The following SOX5 variants were observed in gnomAD, a reference collection of about 807,000 sequenced individuals.
SOX5 encodes the protein SRY-box transcription factor 5, also known as transcription factor SOX-5.
In SOX5, 9 loss-of-function variants were observed where a neutral mutation model predicts 92.0. The ratio of observed to expected loss-of-function variants is 0.10; its 90% confidence interval spans 0.06 to 0.17. The LOEUF (loss-of-function observed/expected upper bound fraction) is 0.17, where lower values mean the gene tolerates loss of function less well. Among genes scored for constraint, SOX5 ranks in the 10% least tolerant of loss-of-function variants. SOX5 has a pLI of 1.00. For missense variants in SOX5, 642 were observed against 944.5 expected (o/e 0.68, Z 4.20); for synonymous variants, 344 against 336.3 (o/e 1.02, Z -0.25).
chr12:24,195,696 C>G (rs1408471932), intron 4 of SOX5, among the ~76,000 whole-genome samples: 1 of 152,150 alleles, frequency 6.6e-6, no homozygotes, highest in South Asian at 2.1e-4. Context: ...GGAGCTAAGT[C>G]AAATTTGAGA....
At chr12:24,096,815 A>G (rs1209100756) in intron 4 of SOX5, among the ~76,000 whole-genome samples, 1 of 152,128 alleles carries the variant, frequency 6.6e-6, no homozygotes, top group Non-Finnish European at 1.5e-5. Context: ...CTTTTTGGTT[A>G]TGATTAGTGC....
At chr12:23,901,903 T>C (rs1480032371) in intron 1 of SOX5, among the ~76,000 whole-genome samples, 1 of 152,206 alleles carries the variant, frequency 6.6e-6, no homozygotes, top group Non-Finnish European at 1.5e-5. Flanking sequence ...CTCAGTATTG[T>C]CAGAAATAAG....
intron 3 of SOX5, among the ~76,000 whole-genome samples, chr12:24,216,483 C>A (rs573869035): frequency 1.3e-5 from 2 of 150,802 alleles, no homozygotes; most frequent in East Asian, 3.9e-4. Flanking sequence ...GACTCCGCCT[C>A]GGAAAAAAAA....
intron 1 of SOX5, among the ~76,000 whole-genome samples, chr12:24,373,517 GC>G (rs1452993131): frequency 3.3e-5 from 5 of 152,118 alleles, no homozygotes; most frequent in Non-Finnish European, 7.4e-5. Context: ...CTGGGTTGAA[GC>G]TGTATTTTTA....
intron 5 of SOX5, among the ~76,000 whole-genome samples, chr12:23,735,372 T>A (rs917530522): frequency 6.6e-6 from 1 of 152,186 alleles, no homozygotes; most frequent in Non-Finnish European, 1.5e-5. Flanking sequence ...GTTGTCGTCT[T>A]TTGACCTCTC....
intron 9 of SOX5, among the ~76,000 whole-genome samples, chr12:23,595,923 T>C (rs771324189): frequency 3.3e-5 from 5 of 152,024 alleles, no homozygotes; most frequent in Non-Finnish European, 7.4e-5. Context: ...TCCATAACAA[T>C]GAAGAAAATA....
chr12:24,146,389 G>T (rs1164838756), intron 4 of SOX5, among the ~76,000 whole-genome samples: 1 of 151,964 alleles, frequency 6.6e-6, no homozygotes, highest in Non-Finnish European at 1.5e-5. Flanking sequence ...TACCCCAAGG[G>T]TCAAAGACAA....
At chr12:23,697,370 T>C (rs547999798) in intron 6 of SOX5, among the ~76,000 whole-genome samples, 5 of 152,324 alleles carry the variant, frequency 3.3e-5, no homozygotes, top group Admixed American at 2.0e-4. Context: ...GACACTTTTA[T>C]AGCTATTCCA....
chr12:24,474,624 C>CT (rs1342145814), intron 1 of SOX5, among the ~76,000 whole-genome samples: 1 of 152,032 alleles, frequency 6.6e-6, no homozygotes, highest in Non-Finnish European at 1.5e-5. Flanking sequence ...CAATGTTTGC[C>CT]TCCCAGGTTC....
At chr12:23,750,894 G>A (rs2094159380) in intron 4 of SOX5, among the ~76,000 whole-genome samples, 1 of 151,918 alleles carries the variant, frequency 6.6e-6, no homozygotes, top group South Asian at 2.1e-4. Flanking sequence ...TTACACACTG[G>A]CATGAGGACA....
rs115204629 is a variant in SOX5, at chr12:23,935,379, G to T, written c.38+14185C>A. On this transcript the variant is annotated intron_variant, in intron 1 of 14. Coordinates refer to ENST00000451604, the MANE Select transcript of SOX5 (RefSeq NM_006940.6). ...GAGATGTGAACACTGACACACTTAA[G>T]AATTACTATACTGTAAAGAGGCTTT... Among the ~76,000 whole-genome samples the T allele has an allele frequency of 6.6e-3, 994 of 151,256 alleles. 18 individuals carry two copies. Among genetic ancestry groups the T allele is most frequent in the African/African-American group, 0.023 (957 of 41,378 alleles).
At chr12:23,914,694 T>C (rs576528619) in intron 1 of SOX5, among the ~76,000 whole-genome samples, 2 of 152,264 alleles carry the variant, frequency 1.3e-5, no homozygotes, top group South Asian at 2.1e-4. Context: ...AAAGTAATTG[T>C]TTTTAAATTC....
intron 1 of SOX5, among the ~76,000 whole-genome samples, chr12:23,930,868 C>T (rs1031917774): frequency 2.6e-5 from 4 of 151,616 alleles, no homozygotes; most frequent in Non-Finnish European, 4.4e-5. Context: ...TCTTTGCTTT[C>T]GGTTCTCACC....
intron 3 of SOX5, among the ~76,000 whole-genome samples, chr12:24,243,018 T>C (rs1313114253): frequency 6.6e-6 from 1 of 152,170 alleles, no homozygotes; most frequent in African/African-American, 2.4e-5. Context: ...AGTGTCTTTA[T>C]ACATAGCAAG....
intron 2 of SOX5, among the ~76,000 whole-genome samples, chr12:24,290,523 A>C (rs1277383037): frequency 6.6e-6 from 1 of 152,156 alleles, no homozygotes; most frequent in Non-Finnish European, 1.5e-5. Context: ...AGGTAAATTA[A>C]GTAACTTGGC....
intron 1 of SOX5, among the ~76,000 whole-genome samples, chr12:23,913,618 T>C (rs533905346): frequency 6.6e-6 from 1 of 151,594 alleles, no homozygotes; most frequent in South Asian, 2.1e-4. Context: ...CACCTATAAT[T>C]CCAGCTACTC....
chr12:24,161,047 A>T (rs1195807904), intron 4 of SOX5, among the ~76,000 whole-genome samples: 1 of 152,046 alleles, frequency 6.6e-6, no homozygotes. Context: ...ACATGATTCT[A>T]TTTGTTGGGG....
intron 4 of SOX5, 150 bp from the exon 5 acceptor site, chr12:23,741,189 A>G (rs1296138695): frequency 1.8e-6 from 1 of 552,422 alleles, no homozygotes; most frequent in Non-Finnish European, 2.9e-6. Flanking sequence ...TTTTCACGCA[A>G]CAGTAAAAAG....
chr12:24,113,446 T>C (rs1947613749), intron 4 of SOX5, among the ~76,000 whole-genome samples: 2 of 151,978 alleles, frequency 1.3e-5, no homozygotes, highest in Non-Finnish European at 2.9e-5. Context: ...TATATTGAAG[T>C]TTACAAAAAT....
Sources: gnomAD v4.1 joint callset for allele counts (sites outside exome capture counted in the v4.1 genomes callset) on GRCh38, gnomAD v4.1.1 for gene constraint, MANE v1.5 for transcripts, NCBI Gene and HGNC (gene_info 2026-07-23, HGNC 2026-07-21) for gene names.